The following TBC1D10C variants were observed in gnomAD, a reference collection of about 807,000 sequenced individuals.
TBC1D10C encodes carabin.
Under a neutral mutation model 51.0 loss-of-function variants are expected in TBC1D10C, and 49 were observed. That is an observed-to-expected ratio of 0.96 (90% CI 0.76 to 1.22). The LOEUF (loss-of-function observed/expected upper bound fraction) is 1.22, where lower values mean the gene tolerates loss of function less well. Ranked by LOEUF, TBC1D10C falls within the 50% of genes most tolerant of loss-of-function variation. The pLI, the probability that TBC1D10C is intolerant of heterozygous loss-of-function variation, is 0.00. For synonymous variants in TBC1D10C, 281 were observed against 266.7 expected, an observed-to-expected ratio of 1.05 and a Z score of -0.52; for missense variants, 541 against 617.5, an observed-to-expected ratio of 0.88 and a Z score of 1.31.
At position 67,408,966 on chromosome 11, in the gene TBC1D10C, C is replaced by T; in HGVS notation, c.839-13C>T. On this transcript the variant is annotated splice_polypyrimidine_tract_variant and intron_variant, in intron 7 of 8. Transcript: ENST00000542590. ...AGGGCCGGCCTCCCAGTGAATAAGCCCCCGGCCTGCAGGTGCCAGAGTACT... is the reference window on the plus strand; with the variant it reads ...AGGGCCGGCCTCCCAGTGAATAAGCTCCCGGCCTGCAGGTGCCAGAGTACT... The T allele has an allele frequency of 1.3e-6, 2 of 1,537,512 alleles. No homozygotes were observed. Among genetic ancestry groups the T allele is most frequent in the Non-Finnish European group, 1.7e-6 (2 of 1,143,686 alleles).
At position 67,405,952 on chromosome 11, in the gene TBC1D10C, G is replaced by A. The variant is rs2135025274; in HGVS notation, c.517G>A (p.Glu173Lys). The A allele has an allele frequency of 6.2e-7, 1 of 1,606,462 alleles. No individual in the cohort carries two copies. Among genetic ancestry groups the A allele is most frequent in the Non-Finnish European group, 8.5e-7 (1 of 1,177,406 alleles). ...CAAGGCCTACACCCTGTATCGACCGGAGCAGGGCTACTGCCAGGCCCAGGG... is the reference window on the plus strand; with the variant it reads ...CAAGGCCTACACCCTGTATCGACCGAAGCAGGGCTACTGCCAGGCCCAGGG... ...VLKAYTLYRP[E>K]QGYCQAQGPV... Residue 173 changes from glutamate to lysine, a missense_variant, in exon 5 of 9, where the codon GAG becomes AAG. Coordinates refer to ENST00000542590, the MANE Select transcript of TBC1D10C (RefSeq NM_001369496.1).
At chr11:67,408,789 T>C (rs1863303748) in intron 7 of TBC1D10C, 190 bp from the exon 8 acceptor site, 1 of 627,622 alleles carries the variant, frequency 1.6e-6, no homozygotes, top group Admixed American at 4.1e-5. Context: ...CATCTGTGGC[T>C]CTTGAGGCTA....
intron 1 of TBC1D10C, chr11:67,404,871 C>T: frequency 3.6e-6 from 2 of 557,122 alleles, no homozygotes; most frequent in South Asian, 2.3e-5. Flanking sequence ...ACCCACTCAC[C>T]CCTTCAGTCT....
At position 67,409,569 on chromosome 11, in the gene TBC1D10C, G is replaced by A. The variant is rs1400252403; in HGVS notation, c.1156G>A (p.Gly386Ser). The A allele has an allele frequency of 7.7e-6, 12 of 1,548,854 alleles. No individual in the cohort carries two copies. In the African/African-American group the frequency reaches 1.5e-4, roughly 19 times the overall value. Residue 386 changes from glycine (G) to serine (S), a missense_variant, in exon 9 of 9, where the codon GGC becomes AGC. Gly to Ser is a moderately conservative substitution (Grantham distance 56). Coordinates refer to ENST00000542590, the MANE Select transcript of TBC1D10C (RefSeq NM_001369496.1). ...EAQQLAGVRR[G>S]AKPEVPRIVV... is the part of the protein sequence containing the mutation. ...CCAGCAGCTGGCAGGAGTGCGACGA[G>A]GCGCCAAGCCTGAGGTGCCTCGGAT...
rs1178186540 is a variant in TBC1D10C at position 67,406,965 on chromosome 11, T to C, written c.787T>C (p.Ser263Pro). The change falls in exon 7 of 9, where the codon TCC becomes CCC. Residue 263 changes from serine to proline, a missense_variant. Transcript: ENST00000542590. The part of the protein sequence containing the change: ...PEWFLCLFAR[S>P]LPFPTVLRVW... The stretch of plus-strand genomic sequence containing the variant: ...GTGGTTCCTGTGCCTCTTCGCCCGC[T>C]CCCTGCCCTTCCCCACAGTGCTGCG... The C allele has an allele frequency of 1.2e-6, 2 of 1,613,026 alleles. No homozygotes were observed. The highest frequency in any genetic ancestry group is 1.7e-6 in the Non-Finnish European group (2 of 1,179,898).
At chr11:67,407,214 T>C in intron 7 of TBC1D10C, 198 bp downstream of exon 7, 1 of 650,694 alleles carries the variant, frequency 1.5e-6, no homozygotes, top group Non-Finnish European at 2.5e-6. Flanking sequence ...CCAGGGAGGC[T>C]TCCAGAGGAG....
At chr11:67,404,895 A>G (rs1184489494) in intron 1 of TBC1D10C, 190 bp from the exon 2 acceptor site, 1 of 579,438 alleles carries the variant, frequency 1.7e-6, no homozygotes, top group Non-Finnish European at 3.1e-6. Flanking sequence ...GCTTCTGCCC[A>G]CGTCGGAGCC....
chr11:67,409,198 G>C, intron 8 of TBC1D10C, 65 bp downstream of exon 8: 2 of 1,497,962 alleles, frequency 1.3e-6, no homozygotes, highest in Non-Finnish European at 1.8e-6. Context: ...CTGAGTCCCA[G>C]AGCAGGAAGC....
Position 67,409,131 on chromosome 11 carries a change from C to T in TBC1D10C, c.991C>T (p.Gln331Ter). The change falls in exon 8 of 9, where the codon CAG becomes TAG. Residue 331 changes from glutamine to a stop codon, truncating the protein, a stop_gained and splice_region_variant. Transcript: ENST00000542590. LOFTEE classifies it low-confidence loss of function (END_TRUNC). ...AQLQEEAFMS[Q>*]VHSVVLSERD... ...GCTGCAGGAGGAGGCCTTCATGTCA[C>T]AGGTGGGTACCCCCACCTCTCCTTG... The T allele has an allele frequency of 6.3e-7, 1 of 1,589,892 alleles. No homozygotes were observed. Among genetic ancestry groups the T allele is most frequent in the Non-Finnish European group, 8.6e-7 (1 of 1,169,290 alleles).
In TBC1D10C at chr11:67,409,497, C is replaced by T. The variant is rs549834971; in HGVS notation, c.1084C>T (p.Pro362Ser). 2 of 1,548,498 alleles carry T rather than the reference C, an allele frequency of 1.3e-6. No individual in the cohort carries two copies. Among genetic ancestry groups the T allele is most frequent in the East Asian group, 2.4e-5 (1 of 40,896 alleles). The change falls in exon 9 of 9, where the codon CCC becomes TCC. Residue 362 changes from proline to serine, a missense_variant. Physicochemically the swap from Pro to Ser is moderately conservative, Grantham distance 74. Transcript: ENST00000542590. ...QLPDSAPGPPPRPQVRLAGAQ... is the reference protein window; with the variant it reads ...QLPDSAPGPPSRPQVRLAGAQ... Reference sequence around the variant, plus strand: ...GCCCGATTCCGCGCCGGGACCCCCGCCCCGGCCACAGGTCCGCCTCGCCGG... The same window carrying T: ...GCCCGATTCCGCGCCGGGACCCCCGTCCCGGCCACAGGTCCGCCTCGCCGG...
chr11:67,404,405 G>A (rs1239124365), intron 1 of TBC1D10C, 51 bp downstream of exon 1: 2 of 1,493,704 alleles, frequency 1.3e-6, no homozygotes, highest in Admixed American at 2.1e-5. Context: ...AGGACAGGGG[G>A]CTGAGGGCTG....
chr11:67,404,498 G>A, intron 1 of TBC1D10C, 144 bp downstream of exon 1: 1 of 896,428 alleles, frequency 1.1e-6, no homozygotes, highest in Middle Eastern at 3.5e-4. Flanking sequence ...CAGGTGCCAG[G>A]TGGAACCCTA....
rs565700309 is a variant in TBC1D10C at position 67,409,590 on chromosome 11, C to A, written c.1177C>A (p.Arg393=). Reference sequence around the variant, plus strand: ...ACGAGGCGCCAAGCCTGAGGTGCCTCGGATTGTGGTGCAGCCCCCGGAGGA... The same window carrying A: ...ACGAGGCGCCAAGCCTGAGGTGCCTAGGATTGTGGTGCAGCCCCCGGAGGA... ...VRRGAKPEVP[R]IVVQPPEEPR... The change falls in exon 9 of 9, where the codon CGG becomes AGG. Residue 393 remains arginine, a synonymous_variant. Transcript: ENST00000542590. The A allele has an allele frequency of 1.9e-6, 3 of 1,549,660 alleles. No homozygotes were observed. The highest frequency in any genetic ancestry group is 4.9e-5 in the East Asian group (2 of 41,096).
At chr11:67,407,081 G>A in intron 7 of TBC1D10C, 65 bp downstream of exon 7, 4 of 1,504,992 alleles carry the variant, frequency 2.7e-6, no homozygotes, top group Non-Finnish European at 2.7e-6. Flanking sequence ...TAGCTCACCA[G>A]CTCCAGGGTT....
chr11:67,407,351 T>G, intron 7 of TBC1D10C: 1 of 282,034 alleles, frequency 3.5e-6, no homozygotes, highest in Non-Finnish European at 6.7e-6. Context: ...GACGTGGATC[T>G]GCAGCTGGGA....
At chr11:67,407,185 C>G in intron 7 of TBC1D10C, 169 bp downstream of exon 7, 1 of 829,310 alleles carries the variant, frequency 1.2e-6, no homozygotes, top group Non-Finnish European at 1.8e-6. Flanking sequence ...ACCCAGGCAC[C>G]GCCTGGTGCA....
chr11:67,404,095 A>C lies in TBC1D10C; in HGVS notation c.-108A>C, dbSNP rs1446612958. 7 of 1,339,602 alleles carry C rather than the reference A, an allele frequency of 5.2e-6. No individual in the cohort carries two copies. The highest frequency in any genetic ancestry group is 6.8e-6 in the Non-Finnish European group (7 of 1,028,922). 83.0% of individuals were successfully genotyped at this position (1,339,602 alleles called of 1,614,324 possible). A position where few individuals can be genotyped will look rare whatever the true frequency, so the allele number is the denominator to read the frequency against. Reference sequence around the variant, plus strand: ...TAGGGGGCTTGGTGAGATACCCTGAAACCTCCCCCCTCTGACCCCGCAGCC... The same window carrying C: ...TAGGGGGCTTGGTGAGATACCCTGACACCTCCCCCCTCTGACCCCGCAGCC... On this transcript the variant is annotated 5_prime_UTR_variant, in exon 1 of 9. Coordinates refer to ENST00000542590, the MANE Select transcript of TBC1D10C (RefSeq NM_001369496.1).
chr11:67,404,892 CCCA>C (rs1468969080), intron 1 of TBC1D10C, 190 bp from the exon 2 acceptor site: 1 of 577,994 alleles, frequency 1.7e-6, no homozygotes, highest in Non-Finnish European at 3.1e-6. Context: ...CCTGCTTCTG[CCCA>C]CGTCGGAGCC....
At position 67,409,603 on chromosome 11, in the gene TBC1D10C, AGC is replaced by A; in HGVS notation, c.1191_1192del (p.Gln397HisfsTer56). ...CCTGAGGTGCCTCGGATTGTGGTGC[AGC>A]CCCCGGAGGAGCCCAGACCACCGCG... On this transcript the variant is annotated frameshift_variant, in exon 9 of 9. Coordinates refer to ENST00000542590, the MANE Select transcript of TBC1D10C (RefSeq NM_001369496.1). LOFTEE classifies it high-confidence loss of function. 1 of 1,552,050 alleles carries A rather than the reference AGC, an allele frequency of 6.4e-7. No individual in the cohort carries two copies. Among genetic ancestry groups the A allele is most frequent in the South Asian group, 1.2e-5 (1 of 84,574 alleles).
Sources: gnomAD v4.1 joint callset for allele counts on GRCh38, gnomAD v4.1.1 for gene constraint, MANE v1.5 for transcripts, NCBI Gene and HGNC (gene_info 2026-07-23, HGNC 2026-07-21) for gene names.